RALGPS1: variants seen among roughly 807,000 people sequenced by gnomAD.
RALGPS1 encodes ras-specific guanine nucleotide-releasing factor RalGPS1.
In RALGPS1, 19 loss-of-function variants were observed where a neutral mutation model predicts 78.8. The ratio of observed to expected loss-of-function variants is 0.24; its 90% CI spans 0.17 to 0.35. The LOEUF (loss-of-function observed/expected upper bound fraction) is 0.35, where lower values mean the gene tolerates loss of function less well. Among genes scored for constraint, RALGPS1 ranks in the 10% least tolerant of loss-of-function variants. RALGPS1 has a pLI of 1.00. For synonymous variants in RALGPS1, 228 were observed against 256.3 expected (o/e 0.89, Z 1.06); for missense variants, 454 against 688.3 (o/e 0.66, Z 3.81).
In RALGPS1 at chr9:127,202,479, G is replaced by A. The variant is rs533688028; in HGVS notation, c.1247+3413G>A. On this transcript the variant is annotated intron_variant, in intron 14 of 18. Coordinates refer to ENST00000259351, the MANE Select transcript of RALGPS1 (RefSeq NM_014636.3). The stretch of plus-strand genomic sequence containing the variant: ...CTGCGGAGCTGCTGTACTGCCCTCG[G>A]TGGGAATGGGTCTGTTCCTACTGGA... Among the ~76,000 whole-genome samples the A allele has an allele frequency of 5.3e-5, 8 of 152,286 alleles. No homozygotes were observed. In the South Asian group the frequency reaches 1.5e-3, roughly 28 times the overall value.
In RALGPS1 at chr9:127,223,105, TTAAA is replaced by T. The variant is rs2062817194; in HGVS notation, c.*4339_*4342del. 6.5e-6 allele frequency: 1 copy of T among 152,714 alleles called. No individual in the cohort carries two copies. The highest frequency in any genetic ancestry group is 1.5e-5 in the Non-Finnish European group (1 of 68,058). 9.5% of individuals were successfully genotyped at this position (152,714 alleles called of 1,614,324 possible). A position where few individuals can be genotyped will look rare whatever the true frequency, so the allele number is the denominator to read the frequency against. On this transcript the variant is annotated 3_prime_UTR_variant, in exon 19 of 19. Coordinates refer to ENST00000259351, the MANE Select transcript of RALGPS1 (RefSeq NM_014636.3). The stretch of plus-strand genomic sequence containing the variant: ...ACATTGATAATAATTATTTCACTAA[TTAAA>T]TACTTTAATGTACAAACATCTTTGT...
At chr9:127,159,468 C>T (rs2058893691) in intron 8 of RALGPS1, among the ~76,000 whole-genome samples, 1 of 152,204 alleles carries the variant, frequency 6.6e-6, no homozygotes. Context: ...GAAAGCGTGG[C>T]CTCTGACCAC....
intron 3 of RALGPS1, among the ~76,000 whole-genome samples, chr9:126,974,877 G>T (rs1314827175): frequency 6.6e-6 from 1 of 151,372 alleles, no homozygotes; most frequent in Non-Finnish European, 1.5e-5. Flanking sequence ...CTGAGGGAGG[G>T]ACAGGGCGCT....
At chr9:127,182,167 C>T (rs1317897294) in intron 11 of RALGPS1, among the ~76,000 whole-genome samples, 1 of 128,834 alleles carries the variant, frequency 7.8e-6, no homozygotes, top group Non-Finnish European at 1.6e-5. Context: ...TATGGCAAAA[C>T]CCCATCTGTT....
At chr9:127,070,030 A>G (rs1442460752) in intron 8 of RALGPS1, 1 of 152,228 alleles carries the variant, frequency 6.6e-6, no homozygotes, top group Non-Finnish European at 1.5e-5. Context: ...GCAGCCCTCA[A>G]CCTTTTTGGC....
At chr9:127,084,335 C>T (rs1057115742) in intron 8 of RALGPS1, among the ~76,000 whole-genome samples, 5 of 152,260 alleles carry the variant, frequency 3.3e-5, no homozygotes, top group African/African-American at 1.2e-4. Context: ...AGAGAACGGC[C>T]CATCTTTCAT....
At chr9:126,945,035 CATG>C (rs1483743073) in intron 1 of RALGPS1, among the ~76,000 whole-genome samples, 2 of 152,196 alleles carry the variant, frequency 1.3e-5, no homozygotes, top group Non-Finnish European at 2.9e-5. Flanking sequence ...TCCCCGTGGA[CATG>C]AGTCTTCCTG....
chr9:127,002,054 A>G (rs2043360022), intron 4 of RALGPS1, among the ~76,000 whole-genome samples: 1 of 152,198 alleles, frequency 6.6e-6, no homozygotes, highest in African/African-American at 2.4e-5. Flanking sequence ...TACAAAGCAA[A>G]CAAACAATGT....
intron 8 of RALGPS1, among the ~76,000 whole-genome samples, chr9:127,164,343 C>G (rs1360444239): frequency 2.0e-5 from 3 of 151,666 alleles, no homozygotes; most frequent in Non-Finnish European, 4.4e-5. Context: ...TCAAGTGATT[C>G]TCCTATTTCA....
intron 11 of RALGPS1, among the ~76,000 whole-genome samples, chr9:127,180,687 A>AGCTCCTGC (rs920329253): frequency 2.6e-5 from 4 of 152,174 alleles, no homozygotes; most frequent in Non-Finnish European, 5.9e-5. Context: ...GGACAGAGGG[A>AGCTCCTGC]GCTCCTGCTG....
At chr9:127,146,030 G>A (rs937106110) in intron 8 of RALGPS1, among the ~76,000 whole-genome samples, 4 of 152,122 alleles carry the variant, frequency 2.6e-5, no homozygotes, top group East Asian at 1.9e-4. Context: ...CAGTATCTGC[G>A]GCATGGAGAA....
intron 7 of RALGPS1, 86 bp downstream of exon 7, chr9:127,053,025 T>C: frequency 1.1e-6 from 1 of 941,172 alleles, no homozygotes. Context: ...GCCTTTCTCT[T>C]ACTGTCTATA....
At chr9:127,131,200 C>T (rs982143698) in intron 8 of RALGPS1, among the ~76,000 whole-genome samples, 4 of 152,212 alleles carry the variant, frequency 2.6e-5, no homozygotes, top group Non-Finnish European at 5.9e-5. Context: ...AGCCTCTCAT[C>T]CCTCTCCTGA....
At chr9:126,963,932 A>G (rs1289530614) in intron 2 of RALGPS1, among the ~76,000 whole-genome samples, 1 of 152,362 alleles carries the variant, frequency 6.6e-6, no homozygotes, top group South Asian at 2.1e-4. Flanking sequence ...CAGGATCTAC[A>G]TATGAGACTG....
intron 8 of RALGPS1, among the ~76,000 whole-genome samples, chr9:127,149,216 G>A (rs2058279835): frequency 6.6e-6 from 1 of 152,234 alleles, no homozygotes; most frequent in Non-Finnish European, 1.5e-5. Context: ...TGGAGCAGCT[G>A]CTGCTATTGC....
At chr9:126,947,889 T>G (rs1275774631) in intron 1 of RALGPS1, among the ~76,000 whole-genome samples, 1 of 152,246 alleles carries the variant, frequency 6.6e-6, no homozygotes, top group African/African-American at 2.4e-5. Context: ...CTGCAGGGAT[T>G]GTTAAACCAG....
In RALGPS1 at chr9:127,078,622, A is replaced by G. The variant is rs546248617; in HGVS notation, c.610+9266A>G. On this transcript the variant is annotated intron_variant, in intron 8 of 18. Coordinates refer to ENST00000259351, the MANE Select transcript of RALGPS1 (RefSeq NM_014636.3). Reference sequence around the variant, plus strand: ...TTGTTTTCCGAATGCTTTGCTGCCCAGAGCGGGAGAACCTTGTCCCATTTG... The same window carrying G: ...TTGTTTTCCGAATGCTTTGCTGCCCGGAGCGGGAGAACCTTGTCCCATTTG... Among the ~76,000 whole-genome samples, 4 of 152,372 alleles carry G rather than the reference A, an allele frequency of 2.6e-5. No homozygotes were observed. In the South Asian group the frequency reaches 8.3e-4, roughly 32 times the overall value.
At chr9:127,214,678 T>G in intron 17 of RALGPS1, 73 bp from the exon 18 acceptor site, 1 of 1,539,832 alleles carries the variant, frequency 6.5e-7, no homozygotes, top group Non-Finnish European at 8.7e-7. Flanking sequence ...TGTTTACATT[T>G]CTCTTTATGC....
chr9:126,961,090 T>C (rs1406051840), intron 1 of RALGPS1, among the ~76,000 whole-genome samples: 1 of 152,174 alleles, frequency 6.6e-6, no homozygotes, highest in Non-Finnish European at 1.5e-5. Flanking sequence ...CACTTGCCAC[T>C]AAAAAGCTGT....
Sources: gnomAD v4.1 joint callset for allele counts (sites outside exome capture counted in the v4.1 genomes callset) on GRCh38, gnomAD v4.1.1 for gene constraint, MANE v1.5 for transcripts, NCBI Gene and HGNC (gene_info 2026-07-23, HGNC 2026-07-21) for gene names.